RAB38: variants seen among roughly 807,000 people sequenced by gnomAD.
RAB38 encodes the protein ras-related protein Rab-38.
In RAB38, 15 loss-of-function variants were observed where a neutral mutation model predicts 18.4. That is an observed-to-expected ratio of 0.82 (90% CI 0.55 to 1.26). The LOEUF (loss-of-function observed/expected upper bound fraction) is 1.26, where lower values mean the gene tolerates loss of function less well. RAB38 is among the 50% of genes most tolerant of loss of function. The pLI is 0.00. For missense variants in RAB38, 294 were observed against 267.4 expected, an observed-to-expected ratio of 1.10 and a Z score of -0.69; for synonymous variants, 101 against 104.4, an observed-to-expected ratio of 0.97 and a Z score of 0.20.
At chr11:87,861,501 G>A in the RAB38 span, among the ~76,000 whole-genome samples, 3 of 151,872 alleles carry the variant, frequency 2.0e-5, no homozygotes, top group Admixed American at 2.0e-4. Flanking sequence ...AAGTGGGCTA[G>A]TCAAAGCAAA....
intron 2 of RAB38, among the ~76,000 whole-genome samples, chr11:88,120,272 T>A (rs1430218794): frequency 6.6e-6 from 1 of 152,232 alleles, no homozygotes; most frequent in Non-Finnish European, 1.5e-5. Context: ...AAATGATGTG[T>A]GCAAGGTCTC....
chr11:88,040,291 C>T, the RAB38 span, among the ~76,000 whole-genome samples: 1 of 152,204 alleles, frequency 6.6e-6, no homozygotes, highest in Non-Finnish European at 1.5e-5. Flanking sequence ...GATGGCCGTC[C>T]TCTCCCTGTG....
At chr11:88,130,035 C>A (rs1365399164) in intron 2 of RAB38, among the ~76,000 whole-genome samples, 1 of 151,962 alleles carries the variant, frequency 6.6e-6, no homozygotes, top group Non-Finnish European at 1.5e-5. Context: ...GGGAGCAGCA[C>A]ATTTGGAAGT....
At chr11:87,970,483 C>G in the RAB38 span, among the ~76,000 whole-genome samples, 1 of 151,944 alleles carries the variant, frequency 6.6e-6, no homozygotes, top group African/African-American at 2.4e-5. Context: ...TTCTCTCTTA[C>G]GTTTTGTGCC....
chr11:88,086,832 G>A, the RAB38 span, among the ~76,000 whole-genome samples: 1 of 151,772 alleles, frequency 6.6e-6, no homozygotes, highest in African/African-American at 2.4e-5. Flanking sequence ...CTTATTTCTA[G>A]CGGACTATTC....
the RAB38 span, among the ~76,000 whole-genome samples, chr11:87,911,004 A>G: frequency 6.6e-6 from 1 of 151,902 alleles, no homozygotes; most frequent in South Asian, 2.1e-4. Flanking sequence ...TTGCATGTGG[A>G]TATCTGTTTC....
chr11:88,022,590 T>C, the RAB38 span, among the ~76,000 whole-genome samples: 1 of 53,920 alleles, frequency 1.9e-5, no homozygotes, highest in Non-Finnish European at 3.1e-5. Context: ...ATTCTGTATT[T>C]GGAAAAACCT....
At chr11:88,169,330 ATTGT>A (rs1351756661) in intron 1 of RAB38, among the ~76,000 whole-genome samples, 5 of 152,190 alleles carry the variant, frequency 3.3e-5, no homozygotes, top group Admixed American at 3.3e-4. Context: ...ATATGCATAC[ATTGT>A]TTGTATTTCT....
the RAB38 span, among the ~76,000 whole-genome samples, chr11:87,964,243 T>C: frequency 6.6e-6 from 1 of 152,134 alleles, no homozygotes; most frequent in South Asian, 2.1e-4. Flanking sequence ...GCAAGGACCG[T>C]TGCATTCGTG....
chr11:88,015,813 GC>G, the RAB38 span, among the ~76,000 whole-genome samples: 7 of 152,084 alleles, frequency 4.6e-5, no homozygotes. Flanking sequence ...GGGCTTTGGA[GC>G]CTTTGCATGA....
chr11:87,962,413 A>G, the RAB38 span, among the ~76,000 whole-genome samples: 31 of 152,096 alleles, frequency 2.0e-4, no homozygotes, highest in African/African-American at 7.5e-4. Flanking sequence ...ACATGATCTC[A>G]CTTATATGAA....
chr11:87,963,906 A>C, the RAB38 span, among the ~76,000 whole-genome samples: 1 of 152,120 alleles, frequency 6.6e-6, no homozygotes, highest in African/African-American at 2.4e-5. Flanking sequence ...TCGGCCTCCC[A>C]AAGTGCTGGG....
intron 1 of RAB38, among the ~76,000 whole-genome samples, chr11:88,170,808 G>T (rs764189775): frequency 3.9e-5 from 6 of 152,100 alleles, no homozygotes; most frequent in African/African-American, 1.4e-4. Flanking sequence ...AGAAACACTC[G>T]AAACACTCTC....
Position 88,149,712 on chromosome 11 carries a change from T to C in RAB38, c.446A>G (p.Glu149Gly), listed in dbSNP as rs1378007409. Reference sequence around the variant, plus strand: ...TTCAAACCATCCTACGAAACCGTGCTCCTTGCAGAACTGGTCCATCTTGAG... The same window carrying C: ...TTCAAACCATCCTACGAAACCGTGCCCCTTGCAGAACTGGTCCATCTTGAG... ...NGLKMDQFCK[E>G]HGFVGWFETS... Residue 149 changes from glutamate to glycine, a missense_variant, in exon 2 of 3, where the codon GAG becomes GGG. Coordinates refer to ENST00000243662, the MANE Select transcript of RAB38 (RefSeq NM_022337.3). The C allele has an allele frequency of 6.2e-7, 1 of 1,613,672 alleles. No individual in the cohort carries two copies. Among genetic ancestry groups the C allele is most frequent in the East Asian group, 2.2e-5 (1 of 44,870 alleles).
the RAB38 span, among the ~76,000 whole-genome samples, chr11:87,857,692 C>A: frequency 1.3e-5 from 2 of 151,936 alleles, no homozygotes; most frequent in Admixed American, 6.6e-5. Context: ...ATATCCTTCA[C>A]CTACTTTTTG....
the RAB38 span, among the ~76,000 whole-genome samples, chr11:87,938,949 T>A: frequency 0.011 from 1,742 of 152,154 alleles, 30 homozygotes; most frequent in African/African-American, 0.035. Flanking sequence ...TTCTACACCA[T>A]GCTCCCAGAA....
chr11:87,977,902 T>A, the RAB38 span, among the ~76,000 whole-genome samples: 8 of 112,764 alleles, frequency 7.1e-5, no homozygotes, highest in Non-Finnish European at 1.2e-4. Context: ...GATTTACATA[T>A]AATTATATAC....
the RAB38 span, among the ~76,000 whole-genome samples, chr11:87,841,550 C>T: frequency 6.6e-6 from 1 of 152,104 alleles, no homozygotes; most frequent in Non-Finnish European, 1.5e-5. Context: ...CTGCTGGTAT[C>T]CCTTCCAGCA....
At chr11:87,861,855 C>A in the RAB38 span, among the ~76,000 whole-genome samples, 1 of 151,684 alleles carries the variant, frequency 6.6e-6, no homozygotes, top group Non-Finnish European at 1.5e-5. Flanking sequence ...CAGTTAATAA[C>A]GTACAACAGA....
Sources: gnomAD v4.1 joint callset for allele counts (sites outside exome capture counted in the v4.1 genomes callset) on GRCh38, gnomAD v4.1.1 for gene constraint, MANE v1.5 for transcripts, NCBI Gene and HGNC (gene_info 2026-07-23, HGNC 2026-07-21) for gene names.